MEIOSIN: variants seen among roughly 807,000 people sequenced by gnomAD.
MEIOSIN encodes the protein meiosis initiator protein.
In MEIOSIN, 18 loss-of-function variants were observed where a neutral mutation model predicts 23.4. The ratio of observed to expected loss-of-function variants is 0.77; its 90% CI spans 0.53 to 1.14. The LOEUF (loss-of-function observed/expected upper bound fraction) is 1.14. Ranked by LOEUF, MEIOSIN falls within the 50% of genes most tolerant of loss-of-function variation. The pLI is 0.00. For synonymous variants in MEIOSIN, 187 were observed against 100.6 expected, an observed-to-expected ratio of 1.86 and a Z score of -5.14; for missense variants, 428 against 242.9, an observed-to-expected ratio of 1.76 and a Z score of -5.07.
intron 2 of MEIOSIN, among the ~76,000 whole-genome samples, chr19:45,737,527 A>G (rs1285919753): frequency 6.6e-6 from 1 of 151,758 alleles, no homozygotes; most frequent in Non-Finnish European, 1.5e-5. Flanking sequence ...GTGCAGTGAC[A>G]CGATCACAGT....
chr19:45,734,110 G>T (rs541806974), intron 1 of MEIOSIN, among the ~76,000 whole-genome samples: 1 of 152,204 alleles, frequency 6.6e-6, no homozygotes, highest in African/African-American at 2.4e-5. Flanking sequence ...TAGATTTAGG[G>T]CCTAAATCCC....
intron 1 of MEIOSIN, among the ~76,000 whole-genome samples, chr19:45,735,159 G>T (rs1188757255): frequency 6.6e-6 from 1 of 152,278 alleles, no homozygotes; most frequent in East Asian, 1.9e-4. Context: ...CTCCCAGAAT[G>T]CTGGGATTAC....
intron 4 of MEIOSIN, among the ~76,000 whole-genome samples, chr19:45,745,684 A>G (rs906863062): frequency 6.6e-6 from 1 of 152,082 alleles, no homozygotes; most frequent in African/African-American, 2.4e-5. Context: ...TTTGTTTTTG[A>G]GAGTCCTGAG....
rs76618306 is a variant in MEIOSIN at position 45,761,964 on chromosome 19, C to T, written c.1460C>T (p.Thr487Met). 10,244 of 561,674 alleles carry T rather than the reference C, an allele frequency of 0.018. 174 individuals carry two copies. The highest frequency in any genetic ancestry group is 0.021 in the Non-Finnish European group (6,608 of 313,982). 34.8% of individuals were successfully genotyped at this position (561,674 alleles called of 1,614,324 possible). A position where few individuals can be genotyped will look rare whatever the true frequency, so the allele number is the denominator to read the frequency against. The change falls in exon 13 of 15, where the codon ACG becomes ATG. Residue 487 changes from threonine (T) to methionine (M), a missense_variant. By Grantham distance (81) the Thr-to-Met change is moderately conservative (BLOSUM62 -1). Coordinates refer to ENST00000457052, the MANE Select transcript of MEIOSIN (RefSeq NM_001310124.2). ...REDMQANPVG[T>M]PGSSEEDEDT... The stretch of plus-strand genomic sequence containing the variant: ...GATATGCAGGCCAACCCTGTGGGCA[C>T]GCCGGGCTCCAGCGAAGAGGACGAA...
At chr19:45,760,327 G>A (rs542892803) in intron 11 of MEIOSIN, among the ~76,000 whole-genome samples, 2 of 152,276 alleles carry the variant, frequency 1.3e-5, no homozygotes, top group South Asian at 4.1e-4. Flanking sequence ...AAGTGTCCGG[G>A]CGTGGTGGCT....
At chr19:45,750,293 G>T (rs1968674397) in intron 4 of MEIOSIN, among the ~76,000 whole-genome samples, 1 of 142,694 alleles carries the variant, frequency 7.0e-6, no homozygotes, top group African/African-American at 2.5e-5. Flanking sequence ...GTCCCCAGCA[G>T]CCCCACATTG....
chr19:45,739,811 A>G, intron 3 of MEIOSIN, 81 bp downstream of exon 3: 1 of 695,756 alleles, frequency 1.4e-6, no homozygotes, highest in Non-Finnish European at 2.6e-6. Context: ...TACCCCTAAA[A>G]TCATTCTGAC....
chr19:45,752,919 C>CT (rs11387482), intron 5 of MEIOSIN, among the ~76,000 whole-genome samples: 56,552 of 119,020 alleles, frequency 0.48, 14,527 homozygotes, highest in East Asian at 0.62. Context: ...GTTTCTTCTT[C>CT]TTTTTTTTTT....
intron 5 of MEIOSIN, among the ~76,000 whole-genome samples, chr19:45,753,182 A>G (rs1167607231): frequency 6.6e-6 from 1 of 152,188 alleles, no homozygotes; most frequent in Non-Finnish European, 1.5e-5. Context: ...GGAGTGATCT[A>G]GACGGGACAA....
chr19:45,756,948 C>G (rs1451767243), intron 8 of MEIOSIN, among the ~76,000 whole-genome samples: 1 of 152,142 alleles, frequency 6.6e-6, no homozygotes, highest in Non-Finnish European at 1.5e-5. Context: ...CAGGCTGAGC[C>G]CACTGCTCTC....
intron 3 of MEIOSIN, among the ~76,000 whole-genome samples, chr19:45,741,651 C>T (rs1258397959): frequency 4.0e-5 from 6 of 151,566 alleles, no homozygotes; most frequent in East Asian, 4.0e-4. Flanking sequence ...GTGGAGGTTG[C>T]GGTGAGCCAA....
At chr19:45,736,041 A>C (rs1968403233) in intron 2 of MEIOSIN, among the ~76,000 whole-genome samples, 1 of 151,316 alleles carries the variant, frequency 6.6e-6, no homozygotes. Context: ...TGACATTCTG[A>C]GTTTGTTTGT....
chr19:45,758,481 G>A (rs957544620), intron 9 of MEIOSIN, among the ~76,000 whole-genome samples: 3 of 151,854 alleles, frequency 2.0e-5, no homozygotes, highest in African/African-American at 7.3e-5. Flanking sequence ...CCAGGCTGGA[G>A]TGCAGTGGCA....
intron 5 of MEIOSIN, among the ~76,000 whole-genome samples, chr19:45,753,297 A>G (rs1968751827): frequency 6.6e-6 from 1 of 152,122 alleles, no homozygotes; most frequent in Non-Finnish European, 1.5e-5. Context: ...GGCCCCAGTG[A>G]CCTTGAGGGG....
chr19:45,756,975 T>C (rs1241425438), intron 8 of MEIOSIN, among the ~76,000 whole-genome samples: 2 of 152,164 alleles, frequency 1.3e-5, no homozygotes, highest in African/African-American at 2.4e-5. Context: ...CTCATCATCC[T>C]CCAGCGCCCT....
At chr19:45,762,221 T>C in intron 13 of MEIOSIN, 38 bp downstream of exon 13, 1 of 405,724 alleles carries the variant, frequency 2.5e-6, no homozygotes, top group Non-Finnish European at 4.3e-6. Context: ...GGGAAGGCCC[T>C]GGCTTCGTTC....
intron 4 of MEIOSIN, among the ~76,000 whole-genome samples, chr19:45,746,305 G>T (rs1326962713): frequency 6.6e-6 from 1 of 152,168 alleles, no homozygotes; most frequent in Non-Finnish European, 1.5e-5. Context: ...AGCAGGGTTG[G>T]TTCCTCTTAG....
At chr19:45,746,345 T>C (rs970835046) in intron 4 of MEIOSIN, among the ~76,000 whole-genome samples, 19 of 152,158 alleles carry the variant, frequency 1.2e-4, no homozygotes, top group Non-Finnish European at 1.8e-4. Context: ...TCCTTTCTTT[T>C]TGCCAACTTC....
chr19:45,753,996 T>C (rs1355838745), intron 6 of MEIOSIN, among the ~76,000 whole-genome samples: 1 of 152,068 alleles, frequency 6.6e-6, no homozygotes, highest in East Asian at 1.9e-4. Context: ...CAGTATTTTT[T>C]TTTTGAGAGA....
Sources: allele counts gnomAD v4.1 joint callset (sites outside exome capture counted in the v4.1 genomes callset), GRCh38; gene constraint gnomAD v4.1.1; transcripts MANE v1.5; gene names NCBI Gene and HGNC (gene_info 2026-07-23, HGNC 2026-07-21).